Variants in SFRP1 observed in about 807,000 individuals in gnomAD.
The protein encoded by SFRP1 is secreted frizzled related protein 1, also known as secreted frizzled-related protein 1.
A neutral mutation model predicts 25.9 loss-of-function variants in SFRP1; 9 were observed. The observed-to-expected ratio is 0.35, with a 90% CI of 0.21 to 0.61. SFRP1 has a LOEUF of 0.61. SFRP1 is among the 20% of genes least tolerant of loss of function. The probability of loss-of-function intolerance (pLI) is 0.78; values close to 1 mark genes in which losing one functional copy is unlikely to be tolerated. For missense variants in SFRP1, 346 were observed against 418.2 expected, an observed-to-expected ratio of 0.83 and a Z score of 1.51; for synonymous variants, 178 against 174.0, an observed-to-expected ratio of 1.02 and a Z score of -0.18.
At position 41,308,967 on chromosome 8, in the gene SFRP1, G is replaced by A. The variant is rs750358294; in HGVS notation, c.193C>T (p.Leu65=). The change falls in exon 1 of 3, where the codon CTG becomes TTG. Residue 65 remains leucine, a synonymous_variant. Coordinates refer to ENST00000220772, the MANE Select transcript of SFRP1 (RefSeq NM_003012.5). ...TAGCCCACGTTGTGGCACAGCCGCA[G>A]GTCCGCGGGGATGTCCACGCACTGA... The part of the protein sequence containing the change: ...PPQCVDIPAD[L]RLCHNVGYKK... 4 of 1,613,494 alleles carry A rather than the reference G, an allele frequency of 2.5e-6. No homozygotes were observed. Among genetic ancestry groups the A allele is most frequent in the Non-Finnish European group, 2.5e-6 (3 of 1,179,958 alleles).
chr8:41,275,865 G>A (rs1323565717), intron 2 of SFRP1, among the ~76,000 whole-genome samples: 1 of 152,212 alleles, frequency 6.6e-6, no homozygotes, highest in Non-Finnish European at 1.5e-5. Context: ...TTCAGTGTCA[G>A]CCTCCTGAGG....
chr8:41,303,118 G>T (rs554750146), intron 2 of SFRP1, among the ~76,000 whole-genome samples: 1 of 151,170 alleles, frequency 6.6e-6, no homozygotes, highest in Non-Finnish European at 1.5e-5. Context: ...ACAGTAGCAG[G>T]TGGCAACTTG....
At chr8:41,266,682 C>A (rs1168096433) in intron 2 of SFRP1, among the ~76,000 whole-genome samples, 1 of 152,004 alleles carries the variant, frequency 6.6e-6, no homozygotes, top group African/African-American at 2.4e-5. Context: ...TCCTCAGCCT[C>A]CCAAAGTGTT....
intron 1 of SFRP1, among the ~76,000 whole-genome samples, chr8:41,307,968 C>T (rs1429226272): frequency 6.6e-6 from 1 of 152,208 alleles, no homozygotes; most frequent in Non-Finnish European, 1.5e-5. Context: ...CCCCAGCCCT[C>T]CGAGGGCAGA....
At chr8:41,275,290 A>ACGG (rs1437187636) in intron 2 of SFRP1, 9 of 381,364 alleles carry the variant, frequency 2.4e-5, no homozygotes, top group Non-Finnish European at 4.6e-5. Flanking sequence ...ATCTGGGATG[A>ACGG]CGGGGCAAGC....
At chr8:41,307,509 C>A (rs1246867276) in intron 1 of SFRP1, among the ~76,000 whole-genome samples, 1 of 152,188 alleles carries the variant, frequency 6.6e-6, no homozygotes, top group Admixed American at 6.5e-5. Flanking sequence ...CAGTCTTTCT[C>A]CCCCACCCTA....
Position 41,291,136 on chromosome 8 carries a change from C to T in SFRP1, c.622+12325G>A, listed in dbSNP as rs939717114. Among the ~76,000 whole-genome samples, 115 of 151,574 alleles carry T rather than the reference C, an allele frequency of 7.6e-4. 1 individual carries two copies. The highest frequency in any genetic ancestry group is 1.5e-3 in the Non-Finnish European group (103 of 67,890). The stretch of plus-strand genomic sequence containing the variant: ...TGTTAGCCAGGACGGTCTCGATCTC[C>T]GGACCTCATGATCTGCCCACCTCAG... On this transcript the variant is annotated intron_variant, in intron 2 of 2. Transcript: ENST00000220772.
intron 1 of SFRP1, among the ~76,000 whole-genome samples, chr8:41,305,521 AAG>A (rs777159702): frequency 2.1e-4 from 32 of 152,192 alleles, no homozygotes; most frequent in Non-Finnish European, 3.8e-4. Flanking sequence ...CAGAGAGAGA[AAG>A]AGAAATGTGT....
rs1403647112 is a variant in SFRP1 at position 41,309,451 on chromosome 8, G to C, written c.-292C>G. On this transcript the variant is annotated 5_prime_UTR_variant, in exon 1 of 3. Coordinates refer to ENST00000220772, the MANE Select transcript of SFRP1 (RefSeq NM_003012.5). The stretch of plus-strand genomic sequence containing the variant: ...CGGCGGGCGCGCGGCACTGACTCCG[G>C]AGGCTGCAGGGCTGGAGTGCGCGGG... 6.4e-6 allele frequency: 1 copy of C among 155,086 alleles called. No individual in the cohort carries two copies. The highest frequency in any genetic ancestry group is 1.4e-5 in the Non-Finnish European group (1 of 70,206). 9.6% of individuals were successfully genotyped at this position (155,086 alleles called of 1,614,324 possible). A position where few individuals can be genotyped will look rare whatever the true frequency, so the allele number is the denominator to read the frequency against.
At chr8:41,291,805 C>T (rs1043187700) in intron 2 of SFRP1, among the ~76,000 whole-genome samples, 2 of 152,178 alleles carry the variant, frequency 1.3e-5, no homozygotes, top group East Asian at 1.9e-4. Flanking sequence ...GTTTCCTTCC[C>T]GAGGCAGGAA....
At chr8:41,277,954 G>T (rs942024117) in intron 2 of SFRP1, among the ~76,000 whole-genome samples, 4 of 152,196 alleles carry the variant, frequency 2.6e-5, no homozygotes, top group Non-Finnish European at 5.9e-5. Flanking sequence ...TGTTAATGCT[G>T]CTGGCCTGGG....
rs374048384 is a variant in SFRP1, at chr8:41,303,492, G to A, written c.591C>T (p.Ala197=). The change falls in exon 2 of 3, where the codon GCC becomes GCT. Residue 197 remains alanine, a synonymous_variant. Coordinates refer to ENST00000220772, the MANE Select transcript of SFRP1 (RefSeq NM_003012.5). ...PPCDNELKSE[A]IIEHLCASEF... ...CGCTGGCACAGAGATGTTCAATGAT[G>A]GCCTCAGATTTCAACTCGTTGTCAC... is the stretch of plus-strand genomic sequence containing the variant. The A allele has an allele frequency of 1.7e-5, 27 of 1,613,856 alleles. No homozygotes were observed. The African/African-American group carries it at 3.5e-4, about 21-fold the overall frequency.
intron 2 of SFRP1, among the ~76,000 whole-genome samples, chr8:41,297,821 C>T (rs904736552): frequency 5.3e-5 from 8 of 152,046 alleles, no homozygotes; most frequent in Admixed American, 1.3e-4. Flanking sequence ...TGAGCTCCTT[C>T]CGTGTGCTGG....
At chr8:41,287,929 T>A (rs1401673090) in intron 2 of SFRP1, among the ~76,000 whole-genome samples, 1 of 152,010 alleles carries the variant, frequency 6.6e-6, no homozygotes, top group African/African-American at 2.4e-5. Context: ...ACAGGGTGAA[T>A]GACAAGTTAG....
chr8:41,265,112 T>TGCCCCCCCCCCCCCCCCCCCCC lies in SFRP1; in HGVS notation c.*54_*55insGGGGGGGGGGGGGGGGGGGGGC. 2 of 517,774 alleles carry TGCCCCCCCCCCCCCCCCCCCCC rather than the reference T, an allele frequency of 3.9e-6. No individual in the cohort carries two copies. Among genetic ancestry groups the TGCCCCCCCCCCCCCCCCCCCCC allele is most frequent in the African/African-American group, 2.0e-5 (1 of 50,660 alleles). 32.1% of individuals were successfully genotyped at this position (517,774 alleles called of 1,614,324 possible). ...GACCCACCGGGTTCCCGGGGCACTG[T>TGCCCCCCCCCCCCCCCCCCCCC]CCCCCCCGCTCCCACCCCACCCGAG... On this transcript the variant is annotated 3_prime_UTR_variant, in exon 3 of 3. Coordinates refer to ENST00000220772, the MANE Select transcript of SFRP1 (RefSeq NM_003012.5).
At chr8:41,295,100 C>T (rs947825620) in intron 2 of SFRP1, among the ~76,000 whole-genome samples, 3 of 152,340 alleles carry the variant, frequency 2.0e-5, no homozygotes, top group East Asian at 1.9e-4. Flanking sequence ...CAGTGGCTCA[C>T]GCCTGGAATC....
chr8:41,304,213 G>A (rs1803964265), intron 1 of SFRP1, among the ~76,000 whole-genome samples: 1 of 152,292 alleles, frequency 6.6e-6, no homozygotes, highest in East Asian at 1.9e-4. Flanking sequence ...TTGAAGAGGA[G>A]GTTTGTGGGG....
intron 2 of SFRP1, among the ~76,000 whole-genome samples, chr8:41,282,959 A>G (rs1039100949): frequency 2.0e-5 from 3 of 152,196 alleles, no homozygotes; most frequent in African/African-American, 7.2e-5. Context: ...TGTTCTTTCA[A>G]GAAGCTCTCT....
chr8:41,279,373 C>T (rs1585509785), intron 2 of SFRP1, among the ~76,000 whole-genome samples: 1 of 152,238 alleles, frequency 6.6e-6, no homozygotes, highest in East Asian at 1.9e-4. Context: ...CTGGTCTACC[C>T]ACCTATCAGT....
Sources: gnomAD v4.1 joint callset for allele counts (sites outside exome capture counted in the v4.1 genomes callset) on GRCh38, gnomAD v4.1.1 for gene constraint, MANE v1.5 for transcripts, NCBI Gene and HGNC (gene_info 2026-07-23, HGNC 2026-07-21) for gene names.